ZRANB3: variants seen among roughly 807,000 people sequenced by gnomAD.
The protein encoded by ZRANB3 is zinc finger RANBP2-type containing 3.
Under a neutral mutation model 133.8 loss-of-function variants are expected in ZRANB3, and 125 were observed. The observed-to-expected ratio is 0.93, with a 90% confidence interval of 0.81 to 1.08. The LOEUF is 1.08. Among genes scored for constraint, ZRANB3 ranks in the 50% least tolerant of loss-of-function variants. ZRANB3 has a pLI of 0.00. For synonymous variants in ZRANB3, 387 were observed against 432.7 expected, an observed-to-expected ratio of 0.89 and a Z score of 1.31; for missense variants, 1,229 against 1,275.5, an observed-to-expected ratio of 0.96 and a Z score of 0.56.
chr2:135,253,120 A>G (rs1204445185), intron 12 of ZRANB3, among the ~76,000 whole-genome samples: 2 of 152,242 alleles, frequency 1.3e-5, no homozygotes, highest in African/African-American at 4.8e-5. Flanking sequence ...TGATAGTACC[A>G]AAGTAAAATT....
intron 8 of ZRANB3, among the ~76,000 whole-genome samples, chr2:135,308,176 T>C (rs1022747356): frequency 1.3e-5 from 2 of 152,074 alleles, no homozygotes; most frequent in African/African-American, 4.8e-5. Flanking sequence ...TAACTGCAGG[T>C]GGTGCTAAAG....
At chr2:135,279,939 TG>T (rs2104780027) in intron 8 of ZRANB3, among the ~76,000 whole-genome samples, 1 of 152,228 alleles carries the variant, frequency 6.6e-6, no homozygotes, top group East Asian at 1.9e-4. Flanking sequence ...GTTCTTAAGA[TG>T]GGGATTACAT....
chr2:135,233,952 T>TG, intron 12 of ZRANB3, among the ~76,000 whole-genome samples: 1 of 152,212 alleles, frequency 6.6e-6, no homozygotes, highest in Middle Eastern at 3.4e-3. Context: ...AGTAATAACC[T>TG]TAAATGTAAA....
At chr2:135,308,857 C>T (rs1218388713) in intron 8 of ZRANB3, among the ~76,000 whole-genome samples, 1 of 152,118 alleles carries the variant, frequency 6.6e-6, no homozygotes, top group Non-Finnish European at 1.5e-5. Context: ...ACCACCTCTT[C>T]TTCCCCTTCT....
chr2:135,431,536 G>C (rs1689323737), intron 2 of ZRANB3, among the ~76,000 whole-genome samples: 1 of 152,028 alleles, frequency 6.6e-6, no homozygotes. Flanking sequence ...CAAGGCACAG[G>C]CTGGGAGAAG....
At chr2:135,252,467 G>T (rs779170937) in intron 12 of ZRANB3, among the ~76,000 whole-genome samples, 23 of 152,174 alleles carry the variant, frequency 1.5e-4, no homozygotes, top group Non-Finnish European at 2.2e-4. Context: ...AGGACAATGA[G>T]AATTTATAGC....
At chr2:135,496,208 C>T (rs959641576) in intron 2 of ZRANB3, among the ~76,000 whole-genome samples, 1 of 151,362 alleles carries the variant, frequency 6.6e-6, no homozygotes, top group Non-Finnish European at 1.5e-5. Context: ...CATGGTGAAA[C>T]TCCATCTCTA....
intron 2 of ZRANB3, among the ~76,000 whole-genome samples, chr2:135,430,872 AAAAC>A (rs1229708010): frequency 1.5e-4 from 23 of 152,160 alleles, no homozygotes; most frequent in South Asian, 2.1e-4. Flanking sequence ...CGTAAAAACA[AAAAC>A]AAACAAAACT....
At chr2:135,345,680 T>C in intron 5 of ZRANB3, 45 bp from the exon 6 acceptor site, 1 of 1,297,594 alleles carries the variant, frequency 7.7e-7, no homozygotes, top group Non-Finnish European at 1.1e-6. Context: ...TATTTTCAAG[T>C]AAATTATTAT....
At chr2:135,359,001 T>C (rs2104884123) in intron 3 of ZRANB3, among the ~76,000 whole-genome samples, 1 of 152,018 alleles carries the variant, frequency 6.6e-6, no homozygotes. Context: ...GTCATTTTTA[T>C]ATCTACTTGG....
chr2:135,530,828 T>G (rs1574276891), intron 1 of ZRANB3: 1 of 152,180 alleles, frequency 6.6e-6, no homozygotes, highest in African/African-American at 2.4e-5. Flanking sequence ...CATGGGTACC[T>G]CTCAGGAACT....
At chr2:135,480,106 T>A (rs529783710) in intron 2 of ZRANB3, among the ~76,000 whole-genome samples, 1 of 151,296 alleles carries the variant, frequency 6.6e-6, no homozygotes, top group African/African-American at 2.4e-5. Flanking sequence ...GCTAATTTTT[T>A]TTTTTTTTTG....
intron 9 of ZRANB3, 144 bp downstream of exon 9, chr2:135,275,492 T>C: frequency 1.9e-6 from 1 of 534,860 alleles, no homozygotes; most frequent in South Asian, 6.7e-5. Flanking sequence ...AATATTAATA[T>C]AATTTTCAAG....
intron 4 of ZRANB3, 85 bp from the exon 5 acceptor site, chr2:135,350,300 GA>G (rs1470717598): frequency 1.0e-6 from 1 of 968,050 alleles, no homozygotes; most frequent in African/African-American, 1.6e-5. Flanking sequence ...AAAAAATACA[GA>G]GGAGAAGAAA....
intron 2 of ZRANB3, among the ~76,000 whole-genome samples, chr2:135,481,931 T>A (rs1405096984): frequency 1.4e-5 from 2 of 140,896 alleles, no homozygotes; most frequent in East Asian, 2.0e-4. Flanking sequence ...GTTGTAGATA[T>A]GCGGCGTTAT....
intron 2 of ZRANB3, among the ~76,000 whole-genome samples, chr2:135,481,080 A>T (rs1214910126): frequency 6.6e-6 from 1 of 151,996 alleles, no homozygotes; most frequent in African/African-American, 2.4e-5. Context: ...AACATACGTG[A>T]GCATGTGTCT....
At chr2:135,207,214 T>A (rs1003403953) in intron 19 of ZRANB3, among the ~76,000 whole-genome samples, 1 of 150,276 alleles carries the variant, frequency 6.7e-6, no homozygotes, top group Non-Finnish European at 1.5e-5. Flanking sequence ...AATAAATAAA[T>A]AAAATATTCT....
intron 8 of ZRANB3, among the ~76,000 whole-genome samples, chr2:135,292,282 G>A (rs940642393): frequency 1.2e-3 from 186 of 152,128 alleles, no homozygotes; most frequent in Non-Finnish European, 1.8e-3. Flanking sequence ...TTTAATGATC[G>A]CCATTCTAAC....
intron 2 of ZRANB3, among the ~76,000 whole-genome samples, chr2:135,412,528 ATAT>A (rs1184027848): frequency 6.6e-6 from 1 of 152,130 alleles, no homozygotes; most frequent in African/African-American, 2.4e-5. Context: ...ATTCTAATGA[ATAT>A]TATTATCTAA....
Sources: gnomAD v4.1 joint callset for allele counts (sites outside exome capture counted in the v4.1 genomes callset) on GRCh38, gnomAD v4.1.1 for gene constraint, MANE v1.5 for transcripts, NCBI Gene and HGNC (gene_info 2026-07-23, HGNC 2026-07-21) for gene names.